Variants in ADGRL3 observed in about 807,000 individuals in gnomAD.
ADGRL3 encodes adhesion G protein-coupled receptor L3.
ADGRL3 carries 62 observed loss-of-function variants against 153.5 expected under a neutral mutation model. The observed-to-expected ratio is 0.40, with a 90% CI of 0.33 to 0.50. The LOEUF (loss-of-function observed/expected upper bound fraction) is 0.50, where lower values mean the gene tolerates loss of function less well. ADGRL3 is among the 20% of genes least tolerant of loss of function. ADGRL3 has a pLI of 0.47. For synonymous variants in ADGRL3, 710 were observed against 672.5 expected (o/e 1.06, Z -0.86); for missense variants, 1,641 against 1,859.4 (o/e 0.88, Z 2.16).
chr4:61,742,008 C>G (rs1202895524), intron 8 of ADGRL3, among the ~76,000 whole-genome samples: 1 of 152,182 alleles, frequency 6.6e-6, no homozygotes, highest in Non-Finnish European at 1.5e-5. Context: ...CATTTCACTG[C>G]TCATTAGCAT....
intron 21 of ADGRL3, among the ~76,000 whole-genome samples, chr4:62,007,817 G>T (rs1161398052): frequency 2.6e-5 from 4 of 152,076 alleles, no homozygotes; most frequent in African/African-American, 7.2e-5. Flanking sequence ...CATGAGACTG[G>T]GTAAGATATT....
chr4:61,872,657 A>T (rs2098452616), intron 9 of ADGRL3, among the ~76,000 whole-genome samples: 1 of 146,348 alleles, frequency 6.8e-6, no homozygotes, highest in Non-Finnish European at 1.5e-5. Flanking sequence ...ACCTTGTTTA[A>T]AAAAAAAAAA....
chr4:61,792,019 C>G (rs887708770), intron 8 of ADGRL3, among the ~76,000 whole-genome samples: 2 of 152,196 alleles, frequency 1.3e-5, no homozygotes, highest in Non-Finnish European at 2.9e-5. Context: ...GCCTGGAGAC[C>G]TTTTCCCCTT....
chr4:61,785,166 G>A (rs1031771984), intron 8 of ADGRL3, among the ~76,000 whole-genome samples: 1 of 152,118 alleles, frequency 6.6e-6, no homozygotes, highest in African/African-American at 2.4e-5. Flanking sequence ...ATAGAAGGTA[G>A]TTTGAAATAT....
intron 5 of ADGRL3, among the ~76,000 whole-genome samples, chr4:61,590,543 A>G (rs1188293042): frequency 6.6e-6 from 1 of 152,168 alleles, no homozygotes; most frequent in Non-Finnish European, 1.5e-5. Context: ...TTGAAAGTTT[A>G]CAACGTGCAG....
chr4:61,990,298 A>G lies in ADGRL3; in HGVS notation c.3237-5993A>G, dbSNP rs569464361. On this transcript the variant is annotated intron_variant, in intron 19 of 26. Transcript: ENST00000683033. ...AGCCAGTTATAAAAGACTATATATT[A>G]TATGTTCCCATATATATATAATGTC... 1.6e-3 allele frequency among the ~76,000 whole-genome samples: 241 copies of G among 152,126 alleles called. 2 individuals are homozygous for G. The highest frequency in any genetic ancestry group is 5.7e-3 in the African/African-American group (235 of 41,548).
chr4:61,892,630 G>T (rs547995943), intron 9 of ADGRL3, 26 bp from the exon 10 acceptor site: 2 of 1,568,368 alleles, frequency 1.3e-6, no homozygotes, highest in Admixed American at 1.7e-5. Flanking sequence ...AGCAATGTAG[G>T]TGTTTTCTTT....
At chr4:61,387,436 C>G (rs2096750899) in intron 2 of ADGRL3, among the ~76,000 whole-genome samples, 1 of 152,012 alleles carries the variant, frequency 6.6e-6, no homozygotes, top group Non-Finnish European at 1.5e-5. Flanking sequence ...TCATAATAAA[C>G]CTGGGATCAC....
At chr4:62,011,875 T>C (rs1020830951) in intron 21 of ADGRL3, among the ~76,000 whole-genome samples, 1 of 152,116 alleles carries the variant, frequency 6.6e-6, no homozygotes, top group African/African-American at 2.4e-5. Flanking sequence ...TTTGATAACA[T>C]AATCTTGTGG....
intron 8 of ADGRL3, among the ~76,000 whole-genome samples, chr4:61,793,830 A>G (rs1032148995): frequency 1.3e-5 from 2 of 152,184 alleles, no homozygotes; most frequent in African/African-American, 2.4e-5. Flanking sequence ...TGACCTCAAC[A>G]TATGGTCATG....
chr4:61,453,137 C>T (rs899663928), intron 2 of ADGRL3, among the ~76,000 whole-genome samples: 5 of 151,974 alleles, frequency 3.3e-5, no homozygotes, highest in African/African-American at 1.2e-4. Flanking sequence ...CATTTTGATT[C>T]CTGAAGGTTG....
At chr4:61,443,196 C>A (rs752664623) in intron 2 of ADGRL3, among the ~76,000 whole-genome samples, 12 of 152,124 alleles carry the variant, frequency 7.9e-5, no homozygotes, top group Non-Finnish European at 1.6e-4. Context: ...TGTTTACCAG[C>A]AACTGAAGTA....
intron 4 of ADGRL3, among the ~76,000 whole-genome samples, chr4:61,566,701 G>A (rs1468129356): frequency 6.6e-6 from 1 of 152,036 alleles, no homozygotes; most frequent in Admixed American, 6.6e-5. Flanking sequence ...TGGAATGTTG[G>A]TAGTTTGCAG....
intron 2 of ADGRL3, among the ~76,000 whole-genome samples, chr4:61,410,100 GT>G (rs1030463735): frequency 6.0e-5 from 9 of 151,058 alleles, no homozygotes; most frequent in Admixed American, 2.0e-4. Context: ...AATTGTGAAA[GT>G]TTTTTTTTCT....
At chr4:61,991,902 C>A (rs1029774241) in intron 19 of ADGRL3, among the ~76,000 whole-genome samples, 1 of 147,262 alleles carries the variant, frequency 6.8e-6, no homozygotes. Context: ...TTATAAAATA[C>A]ATTTATATAT....
At chr4:61,732,671 A>G in intron 7 of ADGRL3, 83 bp from the exon 8 acceptor site, 1 of 690,528 alleles carries the variant, frequency 1.4e-6, no homozygotes, top group Non-Finnish European at 2.1e-6. Context: ...TTAGAGTTGC[A>G]TTCCATTTGG....
chr4:61,666,360 A>G (rs1376006371), intron 5 of ADGRL3, among the ~76,000 whole-genome samples: 1 of 151,984 alleles, frequency 6.6e-6, no homozygotes. Flanking sequence ...TTTTTCAAAC[A>G]TACATAAGTC....
rs185881820 is a variant in ADGRL3, at chr4:61,864,238, C to A, written c.1481-28418C>A. ...AAATCAGATTATTCATTAATGATTG[C>A]CATATATTAGTTCTCATATATCAGT... On this transcript the variant is annotated intron_variant, in intron 9 of 26. Coordinates refer to ENST00000683033, the MANE Select transcript of ADGRL3 (RefSeq NM_001387552.1). 9.9e-4 allele frequency among the ~76,000 whole-genome samples: 151 copies of A among 152,176 alleles called. 2 individuals are homozygous for A. The Middle Eastern group carries it at 0.01, about 10-fold the overall frequency.
At chr4:61,986,180 T>C (rs977041681) in intron 19 of ADGRL3, among the ~76,000 whole-genome samples, 6 of 152,154 alleles carry the variant, frequency 3.9e-5, no homozygotes, top group Admixed American at 2.6e-4. Context: ...CATGGGACTT[T>C]ACATTTTTCT....
Sources: gnomAD v4.1 joint callset for allele counts (sites outside exome capture counted in the v4.1 genomes callset) on GRCh38, gnomAD v4.1.1 for gene constraint, MANE v1.5 for transcripts, NCBI Gene and HGNC (gene_info 2026-07-23, HGNC 2026-07-21) for gene names.